FRYL: variants seen among roughly 807,000 people sequenced by gnomAD.
The protein encoded by FRYL is protein furry homolog-like.
A neutral mutation model predicts 351.2 loss-of-function variants in FRYL; 150 were observed. That is an observed-to-expected ratio of 0.43 (90% CI 0.37 to 0.49). The LOEUF is 0.49. Ranked by LOEUF, FRYL falls within the 20% of genes least tolerant of loss-of-function variation. The pLI, the probability that FRYL is intolerant of heterozygous loss-of-function variation, is 0.00. For missense variants in FRYL, 3,036 were observed against 3,619.3 expected (o/e 0.84, Z 4.13); for synonymous variants, 1,153 against 1,257.1 (o/e 0.92, Z 1.75).
chr4:48,762,124 T>C (rs1446993734), intron 1 of FRYL, among the ~76,000 whole-genome samples: 3 of 152,186 alleles, frequency 2.0e-5, no homozygotes, highest in Non-Finnish European at 4.4e-5. Context: ...CCAACCATGC[T>C]GGCATGCAGA....
Position 48,542,080 on chromosome 4 carries a change from A to C in FRYL, c.5634T>G (p.Ile1878Met). The change falls in exon 45 of 64, where the codon ATT (isoleucine) becomes ATG (methionine). Residue 1878 changes from isoleucine to methionine, a missense_variant. Coordinates refer to ENST00000358350, the MANE Select transcript of FRYL (RefSeq NM_015030.2). ...GCTTCATGGTTTCAGCCAAAGTATC[A>C]ATTGCAGATTCCAATGTGAGAAGAA... is the stretch of plus-strand genomic sequence containing the variant. Reference protein sequence around the residue: ...IELLLTLESAIDTLAETMKHY... With the variant: ...IELLLTLESAMDTLAETMKHY... 3.7e-6 allele frequency: 6 copies of C among 1,613,920 alleles called. No individual in the cohort carries two copies. Among genetic ancestry groups the C allele is most frequent in the Non-Finnish European group, 5.1e-6 (6 of 1,179,796 alleles).
Position 48,589,750 on chromosome 4 carries a change from C to T in FRYL, c.1635G>A (p.Met545Ile). 6.2e-7 allele frequency: 1 copy of T among 1,612,878 alleles called. No individual in the cohort carries two copies. The highest frequency in any genetic ancestry group is 8.5e-7 in the Non-Finnish European group (1 of 1,179,564). ...VQMSNKEPED[M>I]ITGERKPKID... ...GCACATAATTTACTACATACGTAAT[C>T]ATGTCTTCAGGCTCCTTATTAGACA... The change falls in exon 18 of 64, where the codon ATG becomes ATA. Residue 545 changes from methionine to isoleucine, a missense_variant. By Grantham distance (10) the Met-to-Ile change is conservative. Around this residue, in one of 7 missense-constraint regions of FRYL, gnomAD observed 78 missense variants for 106.6 expected, o/e 0.73. Coordinates refer to ENST00000358350, the MANE Select transcript of FRYL (RefSeq NM_015030.2).
In FRYL at chr4:48,540,490, C is replaced by A; in HGVS notation, c.6158G>T (p.Trp2053Leu). Reference protein sequence around the residue: ...KIENVQSKLKWTNFPGLQQLF... With the variant: ...KIENVQSKLKLTNFPGLQQLF... ...CTGCTGAAGTCCTGGAAAATTAGTC[C>A]ATTTCAATTTGCTTTGTACATTTTC... The change falls in exon 46 of 64, where the codon TGG becomes TTG. Residue 2053 changes from tryptophan to leucine, a missense_variant. Transcript: ENST00000358350. 6.2e-7 allele frequency: 1 copy of A among 1,614,020 alleles called. No homozygotes were observed. The highest frequency in any genetic ancestry group is 2.2e-5 in the East Asian group (1 of 44,880).
chr4:48,515,867 A>G (rs1723480816), intron 55 of FRYL, among the ~76,000 whole-genome samples: 1 of 152,176 alleles, frequency 6.6e-6, no homozygotes, highest in Non-Finnish European at 1.5e-5. Flanking sequence ...TTCTAACTCT[A>G]CACAAGTAAA....
chr4:48,736,662 C>A (rs1771442903), intron 1 of FRYL, among the ~76,000 whole-genome samples: 1 of 151,384 alleles, frequency 6.6e-6, no homozygotes, highest in Non-Finnish European at 1.5e-5. Context: ...CCAGCCTGGC[C>A]AACATGGTGA....
intron 1 of FRYL, among the ~76,000 whole-genome samples, chr4:48,722,141 A>G (rs1437212152): frequency 3.9e-5 from 6 of 152,240 alleles, no homozygotes; most frequent in Admixed American, 6.5e-5. Context: ...ATCAAACTTT[A>G]CCCGAGGAAT....
chr4:48,561,664 G>A (rs1277427460), intron 32 of FRYL, 28 bp from the exon 33 acceptor site: 6 of 1,557,370 alleles, frequency 3.9e-6, no homozygotes, highest in African/African-American at 1.4e-5. Flanking sequence ...CATCAACTTA[G>A]GTTAAGATTT....
At chr4:48,606,298 A>G (rs1578319449) in intron 10 of FRYL, 140 bp downstream of exon 10, 2 of 512,200 alleles carry the variant, frequency 3.9e-6, no homozygotes, top group East Asian at 3.1e-5. Flanking sequence ...ATTAATTTAC[A>G]CTTAGAACAA....
At chr4:48,766,266 C>CTCT (rs1201724675) in intron 1 of FRYL, among the ~76,000 whole-genome samples, 3 of 152,182 alleles carry the variant, frequency 2.0e-5, no homozygotes, top group Non-Finnish European at 4.4e-5. Flanking sequence ...TGGCTACAAT[C>CTCT]TCTGTTCCCT....
At chr4:48,596,452 T>C (rs1412132963) in intron 13 of FRYL, among the ~76,000 whole-genome samples, 2 of 152,124 alleles carry the variant, frequency 1.3e-5, no homozygotes, top group African/African-American at 4.8e-5. Context: ...TGCAAAATAT[T>C]ATGAAGTGTA....
chr4:48,533,377 G>T (rs1274898464), intron 49 of FRYL, among the ~76,000 whole-genome samples: 1 of 151,790 alleles, frequency 6.6e-6, no homozygotes, highest in Non-Finnish European at 1.5e-5. Context: ...AGATAAATAG[G>T]GCCACCAGAA....
chr4:48,584,567 AAG>A (rs2149177290), intron 19 of FRYL, among the ~76,000 whole-genome samples: 1 of 152,314 alleles, frequency 6.6e-6, no homozygotes, highest in South Asian at 2.1e-4. Context: ...AATATGGGAG[AAG>A]AGAGTGACAG....
chr4:48,769,042 T>C (rs894436628), intron 1 of FRYL, among the ~76,000 whole-genome samples: 3 of 151,788 alleles, frequency 2.0e-5, no homozygotes, highest in Non-Finnish European at 4.4e-5. Flanking sequence ...GAGGCTGAGA[T>C]GGGAGGATCA....
intron 1 of FRYL, among the ~76,000 whole-genome samples, chr4:48,732,087 C>T (rs1770786569): frequency 6.6e-6 from 1 of 152,116 alleles, no homozygotes. Flanking sequence ...AAGAAAAAAG[C>T]AAACAACCCC....
At chr4:48,563,031 A>T (rs1465132849) in intron 31 of FRYL, 43 bp from the exon 32 acceptor site, 1 of 1,196,256 alleles carries the variant, frequency 8.4e-7, no homozygotes, top group Non-Finnish European at 1.2e-6. Context: ...CAATGTTTAG[A>T]GGCTTTTGCA....
At chr4:48,606,667 T>C in intron 9 of FRYL, 61 bp from the exon 10 acceptor site, 1 of 1,374,096 alleles carries the variant, frequency 7.3e-7, no homozygotes, top group Non-Finnish European at 9.9e-7. Flanking sequence ...CCACATGATA[T>C]TTAAGGGTAA....
intron 4 of FRYL, among the ~76,000 whole-genome samples, chr4:48,628,472 G>C (rs114002649): frequency 0.028 from 4,154 of 149,068 alleles, 202 homozygotes; most frequent in African/African-American, 0.096. Context: ...GTTTAAAGGT[G>C]ATTTCATATA....
intron 26 of FRYL, chr4:48,571,971 T>C: frequency 1.0e-6 from 1 of 985,412 alleles, no homozygotes; most frequent in Non-Finnish European, 1.2e-6. Context: ...CATCCAGCAC[T>C]GTAACCAAAC....
intron 28 of FRYL, among the ~76,000 whole-genome samples, chr4:48,566,245 T>G (rs1197517215): frequency 5.3e-5 from 8 of 152,234 alleles, no homozygotes; most frequent in Non-Finnish European, 1.2e-4. Flanking sequence ...TTTCTGCGGA[T>G]GGCATCAGAG....
Sources: gnomAD v4.1 joint callset for allele counts (sites outside exome capture counted in the v4.1 genomes callset) on GRCh38, gnomAD v4.1.1 for gene constraint, gnomAD v4.1.1 regional missense constraint, MANE v1.5 for transcripts, NCBI Gene and HGNC (gene_info 2026-07-23, HGNC 2026-07-21) for gene names.